The following CHST9 variants were observed in gnomAD, a reference collection of about 807,000 sequenced individuals.
The protein encoded by CHST9 is carbohydrate sulfotransferase 9.
In CHST9, 41 loss-of-function variants were observed where a neutral mutation model predicts 44.4. The observed-to-expected ratio is 0.92, with a 90% CI of 0.72 to 1.20. The LOEUF (loss-of-function observed/expected upper bound fraction) is 1.20. Among genes scored for constraint, CHST9 ranks in the 50% most tolerant of loss-of-function variants. CHST9 has a pLI of 0.00. For missense variants in CHST9, 504 were observed against 516.5 expected, an observed-to-expected ratio of 0.98 and a Z score of 0.23; for synonymous variants, 171 against 178.4, an observed-to-expected ratio of 0.96 and a Z score of 0.33.
intron 1 of CHST9, among the ~76,000 whole-genome samples, chr18:27,150,730 T>G (rs1030430099): frequency 6.6e-6 from 1 of 152,202 alleles, no homozygotes; most frequent in African/African-American, 2.4e-5. Context: ...TCATGTAACT[T>G]TTCAATCCTA....
At position 26,914,493 on chromosome 18, in the gene CHST9, T is replaced by C. The variant is rs571177912; in HGVS notation, c.*1766A>G. 1.2e-4 allele frequency: 19 copies of C among 154,548 alleles called. No homozygotes were observed. The highest frequency in any genetic ancestry group is 4.3e-4 in the African/African-American group (18 of 41,676). 9.6% of individuals were successfully genotyped at this position (154,548 alleles called of 1,614,324 possible). On this transcript the variant is annotated 3_prime_UTR_variant, in exon 6 of 6. Transcript: ENST00000618847. ...CAGCAAAATTTTAAATTATGTAATT[T>C]AGATTACTCCAGAGTAAAACGTCTT...
At chr18:27,073,178 T>C (rs575877370) in intron 2 of CHST9, among the ~76,000 whole-genome samples, 1 of 152,116 alleles carries the variant, frequency 6.6e-6, no homozygotes, top group Non-Finnish European at 1.5e-5. Flanking sequence ...TTCTGAGAAC[T>C]CCAACCACTA....
intron 2 of CHST9, among the ~76,000 whole-genome samples, chr18:27,059,676 C>T (rs920970135): frequency 2.6e-5 from 4 of 152,190 alleles, no homozygotes; most frequent in Non-Finnish European, 5.9e-5. Context: ...TCCCCACACT[C>T]TTAATCATCA....
At chr18:27,116,769 T>C (rs1159366652) in intron 2 of CHST9, among the ~76,000 whole-genome samples, 1 of 152,214 alleles carries the variant, frequency 6.6e-6, no homozygotes. Context: ...ATTTAATTTA[T>C]TTGGATAATG....
chr18:27,080,105 A>G (rs1224390925), intron 2 of CHST9, among the ~76,000 whole-genome samples: 3 of 152,108 alleles, frequency 2.0e-5, no homozygotes, highest in African/African-American at 7.2e-5. Context: ...GAGAGTTCAA[A>G]GATAATTGAT....
intron 2 of CHST9, among the ~76,000 whole-genome samples, chr18:27,074,524 T>C (rs923559539): frequency 6.6e-6 from 1 of 152,162 alleles, no homozygotes; most frequent in African/African-American, 2.4e-5. Flanking sequence ...TTCCCCCGTC[T>C]GTCAAATTTT....
At chr18:27,059,970 C>T (rs1598685504) in intron 2 of CHST9, among the ~76,000 whole-genome samples, 1 of 152,154 alleles carries the variant, frequency 6.6e-6, no homozygotes, top group Non-Finnish European at 1.5e-5. Flanking sequence ...TTACAGGCTA[C>T]TTTGTAAGCT....
At chr18:27,150,713 G>A (rs896496284) in intron 1 of CHST9, among the ~76,000 whole-genome samples, 3 of 152,142 alleles carry the variant, frequency 2.0e-5, no homozygotes, top group African/African-American at 7.2e-5. Flanking sequence ...TTCTTGACCA[G>A]AAACCTTCAT....
At chr18:27,089,351 T>C (rs576798216) in intron 2 of CHST9, among the ~76,000 whole-genome samples, 2 of 149,962 alleles carry the variant, frequency 1.3e-5, no homozygotes, top group South Asian at 2.1e-4. Flanking sequence ...GTGTTCTCAT[T>C]GTTCAATTCC....
At chr18:26,956,577 A>T (rs1214336528) in intron 4 of CHST9, among the ~76,000 whole-genome samples, 2 of 151,654 alleles carry the variant, frequency 1.3e-5, no homozygotes, top group Non-Finnish European at 2.9e-5. Context: ...TCTCTTGCTT[A>T]TGGATAGCCT....
chr18:27,164,486 A>G (rs1356361247), intron 1 of CHST9, among the ~76,000 whole-genome samples: 2 of 152,130 alleles, frequency 1.3e-5, no homozygotes, highest in East Asian at 3.8e-4. Context: ...TAAGAGATTC[A>G]ACATCTAAGT....
intron 2 of CHST9, among the ~76,000 whole-genome samples, chr18:27,134,542 A>G (rs943294470): frequency 6.6e-6 from 1 of 152,232 alleles, no homozygotes; most frequent in African/African-American, 2.4e-5. Context: ...AGTAGCATGT[A>G]GGATTTGAAT....
chr18:26,987,231 GTT>G (rs1179800638), intron 4 of CHST9, among the ~76,000 whole-genome samples: 1 of 152,154 alleles, frequency 6.6e-6, no homozygotes, highest in Non-Finnish European at 1.5e-5. Context: ...AGGGAGAGTA[GTT>G]ATATAACCAA....
chr18:26,960,991 C>T (rs1272184238), intron 4 of CHST9, among the ~76,000 whole-genome samples: 2 of 152,176 alleles, frequency 1.3e-5, no homozygotes, highest in African/African-American at 4.8e-5. Context: ...ATTCAGTAAG[C>T]GCTTACAACA....
chr18:27,129,342 C>A (rs973951765), intron 2 of CHST9, among the ~76,000 whole-genome samples: 1 of 151,362 alleles, frequency 6.6e-6, no homozygotes, highest in Non-Finnish European at 1.5e-5. Context: ...CTCTTAATTG[C>A]CTTAATTGCT....
At chr18:27,043,538 A>G (rs117523392) in intron 3 of CHST9, among the ~76,000 whole-genome samples, 2,958 of 152,086 alleles carry the variant, frequency 0.019, 129 homozygotes, top group Admixed American at 0.09. Flanking sequence ...ATATCCAACC[A>G]GGTCAGTTTG....
chr18:27,049,383 C>T (rs1399298399), intron 2 of CHST9, among the ~76,000 whole-genome samples: 1 of 152,112 alleles, frequency 6.6e-6, no homozygotes, highest in Non-Finnish European at 1.5e-5. Context: ...CTGGGAATAA[C>T]AAGTTCAGTG....
chr18:27,102,522 A>G (rs1567916066), intron 2 of CHST9, among the ~76,000 whole-genome samples: 1 of 152,254 alleles, frequency 6.6e-6, no homozygotes, highest in Non-Finnish European at 1.5e-5. Context: ...CCTAAATGAT[A>G]AATTTTTCTA....
intron 2 of CHST9, among the ~76,000 whole-genome samples, chr18:27,129,863 C>A (rs2058456975): frequency 1.3e-5 from 2 of 151,934 alleles, no homozygotes; most frequent in South Asian, 4.1e-4. Context: ...ATTCTTGCTC[C>A]TCGTGGTGCA....
Sources: gnomAD v4.1 joint callset for allele counts (sites outside exome capture counted in the v4.1 genomes callset) on GRCh38, gnomAD v4.1.1 for gene constraint, MANE v1.5 for transcripts, NCBI Gene and HGNC (gene_info 2026-07-23, HGNC 2026-07-21) for gene names.